The following FAM135B variants were observed in gnomAD, a reference collection of about 807,000 sequenced individuals.
The protein encoded by FAM135B is family with sequence similarity 135 member B.
FAM135B carries 43 observed loss-of-function variants against 127.7 expected under a neutral mutation model. That is an observed-to-expected ratio of 0.34 (90% confidence interval 0.26 to 0.43). The LOEUF (loss-of-function observed/expected upper bound fraction) is 0.43, where lower values mean the gene tolerates loss of function less well. Ranked by LOEUF, FAM135B falls within the 20% of genes least tolerant of loss-of-function variation. The pLI, the probability that FAM135B is intolerant of heterozygous loss-of-function variation, is 1.00. For missense variants in FAM135B, 1,558 were observed against 1,725.6 expected (o/e 0.90, Z 1.72); for synonymous variants, 670 against 665.1 (o/e 1.01, Z -0.11).
chr8:138,378,027 T>C (rs958757217), intron 1 of FAM135B, among the ~76,000 whole-genome samples: 2 of 152,214 alleles, frequency 1.3e-5, no homozygotes, highest in Non-Finnish European at 2.9e-5. Context: ...GAGCATCTCA[T>C]CCACATTTGA....
At chr8:138,299,586 TAC>T (rs200452928) in intron 3 of FAM135B, among the ~76,000 whole-genome samples, 28 of 142,676 alleles carry the variant, frequency 2.0e-4, no homozygotes, top group Admixed American at 2.8e-4. Context: ...CATACACACA[TAC>T]ACACACACAC....
chr8:138,487,608 A>G (rs1392876998), intron 1 of FAM135B, among the ~76,000 whole-genome samples: 2 of 108,824 alleles, frequency 1.8e-5, no homozygotes, highest in Non-Finnish European at 3.5e-5. Context: ...TCCTCAAACT[A>G]CTCTCATCCA....
At chr8:138,484,637 C>T (rs1459511387) in intron 1 of FAM135B, among the ~76,000 whole-genome samples, 3 of 152,116 alleles carry the variant, frequency 2.0e-5, no homozygotes, top group Non-Finnish European at 4.4e-5. Context: ...TTTCCTCTCA[C>T]GCACACCACT....
At chr8:138,271,971 A>ATAGT (rs1823414771) in intron 3 of FAM135B, among the ~76,000 whole-genome samples, 1 of 152,036 alleles carries the variant, frequency 6.6e-6, no homozygotes, top group Non-Finnish European at 1.5e-5. Context: ...AATGTCAAAT[A>ATAGT]TAGTTGATGG....
chr8:138,136,182 T>C (rs1563668345), intron 19 of FAM135B, among the ~76,000 whole-genome samples: 1 of 152,052 alleles, frequency 6.6e-6, no homozygotes, highest in Non-Finnish European at 1.5e-5. Flanking sequence ...AAAATTCCTG[T>C]TGGATTTTCT....
chr8:138,155,367 C>T (rs1298690895), intron 12 of FAM135B, among the ~76,000 whole-genome samples: 2 of 152,206 alleles, frequency 1.3e-5, no homozygotes, highest in Non-Finnish European at 1.5e-5. Context: ...ACCATCGATG[C>T]TGGGAAGAAG....
intron 2 of FAM135B, among the ~76,000 whole-genome samples, chr8:138,345,081 T>A (rs1587169313): frequency 6.6e-6 from 1 of 152,324 alleles, no homozygotes; most frequent in African/African-American, 2.4e-5. Flanking sequence ...CAATAAATAC[T>A]GTTTTACTGT....
chr8:138,395,736 C>G (rs1832814860), intron 1 of FAM135B, among the ~76,000 whole-genome samples: 1 of 152,160 alleles, frequency 6.6e-6, no homozygotes, highest in Non-Finnish European at 1.5e-5. Context: ...CAGAAAGATT[C>G]TAGACTCTTA....
intron 7 of FAM135B, among the ~76,000 whole-genome samples, chr8:138,210,912 G>A (rs1818091909): frequency 6.6e-6 from 1 of 152,124 alleles, no homozygotes; most frequent in African/African-American, 2.4e-5. Flanking sequence ...AGCCTCACAG[G>A]GCATTCAGAA....
intron 2 of FAM135B, among the ~76,000 whole-genome samples, chr8:138,364,450 G>A (rs532574275): frequency 3.3e-5 from 5 of 152,264 alleles, no homozygotes; most frequent in East Asian, 1.9e-4. Flanking sequence ...CCAAAACCAC[G>A]CTCAGACCTG....
chr8:138,344,163 G>A (rs537207126), intron 2 of FAM135B, among the ~76,000 whole-genome samples: 1 of 152,214 alleles, frequency 6.6e-6, no homozygotes, highest in Admixed American at 6.5e-5. Context: ...GGTATCTTAC[G>A]AATGTGAGCC....
At chr8:138,142,753 T>C (rs1817316936) in intron 16 of FAM135B, 1 of 364,276 alleles carries the variant, frequency 2.7e-6, no homozygotes, top group Non-Finnish European at 5.0e-6. Context: ...AATTCAAACC[T>C]AGGAATTTTT....
intron 11 of FAM135B, among the ~76,000 whole-genome samples, chr8:138,172,403 G>GCA (rs1414038222): frequency 1.3e-5 from 2 of 152,184 alleles, no homozygotes; most frequent in African/African-American, 4.8e-5. Flanking sequence ...CACCTGTAAT[G>GCA]CACTGTCCTC....
intron 2 of FAM135B, among the ~76,000 whole-genome samples, chr8:138,361,014 T>C (rs1251110158): frequency 2.0e-5 from 3 of 151,952 alleles, no homozygotes; most frequent in Admixed American, 6.6e-5. Context: ...CAACCTCCAC[T>C]TCCCTGGTTC....
chr8:138,277,341 G>C (rs1823906773), intron 3 of FAM135B, among the ~76,000 whole-genome samples: 1 of 152,176 alleles, frequency 6.6e-6, no homozygotes, highest in African/African-American at 2.4e-5. Context: ...CCTCTCTCCA[G>C]CTCAAACCTC....
At chr8:138,198,752 T>C (rs1004800406) in intron 7 of FAM135B, among the ~76,000 whole-genome samples, 2 of 152,140 alleles carry the variant, frequency 1.3e-5, no homozygotes, top group African/African-American at 4.8e-5. Flanking sequence ...CTAGGCATGA[T>C]GAAAAGGAAG....
chr8:138,278,542 A>T, intron 3 of FAM135B, among the ~76,000 whole-genome samples: 1 of 144,374 alleles, frequency 6.9e-6, no homozygotes, highest in African/African-American at 2.6e-5. Context: ...TTTTCCTATT[A>T]TAAGAACATG....
intron 9 of FAM135B, among the ~76,000 whole-genome samples, chr8:138,181,955 T>C (rs1788646844): frequency 6.6e-6 from 1 of 152,080 alleles, no homozygotes; most frequent in Non-Finnish European, 1.5e-5. Context: ...CAACAGCTGA[T>C]AGAGAGTGAG....
At chr8:138,447,161 G>C (rs1345750129) in intron 1 of FAM135B, among the ~76,000 whole-genome samples, 2 of 152,138 alleles carry the variant, frequency 1.3e-5, no homozygotes. Context: ...AACAACAGGT[G>C]CTGGAGAGGA....
Sources: allele counts gnomAD v4.1 joint callset (sites outside exome capture counted in the v4.1 genomes callset), GRCh38; gene constraint gnomAD v4.1.1; transcripts MANE v1.5; gene names NCBI Gene and HGNC (gene_info 2026-07-23, HGNC 2026-07-21).